Variants in CNTNAP2 observed in about 807,000 individuals in gnomAD.
CNTNAP2 encodes the protein contactin associated protein 2.
Under a neutral mutation model 155.2 loss-of-function variants are expected in CNTNAP2, and 98 were observed. The ratio of observed to expected loss-of-function variants is 0.63; its 90% CI spans 0.54 to 0.75. The LOEUF (loss-of-function observed/expected upper bound fraction) is 0.75. CNTNAP2 is among the 30% of genes least tolerant of loss of function. The pLI is 0.00. For missense variants in CNTNAP2, 1,727 were observed against 1,688.1 expected (o/e 1.02, Z -0.40); for synonymous variants, 651 against 631.2 (o/e 1.03, Z -0.47).
chr7:148,174,089 C>G (rs187053735), intron 18 of CNTNAP2, among the ~76,000 whole-genome samples: 12 of 152,298 alleles, frequency 7.9e-5, no homozygotes, highest in Non-Finnish European at 4.4e-5. Context: ...CATGTTTACA[C>G]AAAAGACATC....
intron 1 of CNTNAP2, among the ~76,000 whole-genome samples, chr7:146,765,113 A>G (rs1802171917): frequency 6.6e-6 from 1 of 152,146 alleles, no homozygotes; most frequent in South Asian, 2.1e-4. Flanking sequence ...TTTTAAGACT[A>G]AAAGTAGATG....
At chr7:148,163,976 C>T (rs189364915) in intron 17 of CNTNAP2, among the ~76,000 whole-genome samples, 298 of 152,270 alleles carry the variant, frequency 2.0e-3, no homozygotes, top group African/African-American at 6.4e-3. Flanking sequence ...GTTCTGTTGC[C>T]CAGGCTGGAG....
rs968168096 is a variant in CNTNAP2 at position 147,702,142 on chromosome 7, G to A, written c.2098+62836G>A. 2.7e-5 allele frequency among the ~76,000 whole-genome samples: 4 copies of A among 150,756 alleles called. No individual in the cohort carries two copies. The South Asian group carries it at 8.4e-4, about 32-fold the overall frequency. Reference sequence around the variant, plus strand: ...CCCCATTCTGATGTAATGAAGCTGGGGTGGTTAATTTCCAGTTAAGTTTGT... The same window carrying A: ...CCCCATTCTGATGTAATGAAGCTGGAGTGGTTAATTTCCAGTTAAGTTTGT... On this transcript the variant is annotated intron_variant, in intron 13 of 23. Coordinates refer to ENST00000361727, the MANE Select transcript of CNTNAP2 (RefSeq NM_014141.6).
chr7:146,468,652 T>A (rs1246921897), intron 1 of CNTNAP2, among the ~76,000 whole-genome samples: 3 of 152,134 alleles, frequency 2.0e-5, no homozygotes, highest in Non-Finnish European at 4.4e-5. Context: ...TTGTTTGTTT[T>A]TAAAGAATTT....
chr7:147,221,772 A>G (rs1048543331), intron 8 of CNTNAP2, among the ~76,000 whole-genome samples: 1 of 152,184 alleles, frequency 6.6e-6, no homozygotes, highest in Non-Finnish European at 1.5e-5. Context: ...AAGCAGGTCT[A>G]CTGACAAGTC....
intron 2 of CNTNAP2, among the ~76,000 whole-genome samples, chr7:146,822,100 A>T (rs1803297203): frequency 6.6e-6 from 1 of 152,228 alleles, no homozygotes; most frequent in Non-Finnish European, 1.5e-5. Flanking sequence ...AGACTGGATT[A>T]AGAAAATGTG....
rs1031524668 is a variant in CNTNAP2, at chr7:146,343,915, G to A, written c.97+226942G>A. Among the ~76,000 whole-genome samples, 6 of 151,964 alleles carry A rather than the reference G, an allele frequency of 3.9e-5. 1 individual carries two copies. In the South Asian group the frequency reaches 1.2e-3, roughly 31 times the overall value. ...ATATGATTTTTAAATAAATTGTACAGTAATTTTTCTGTTGAAATTATGAAC... is the reference window on the plus strand; with the variant it reads ...ATATGATTTTTAAATAAATTGTACAATAATTTTTCTGTTGAAATTATGAAC... On this transcript the variant is annotated intron_variant, in intron 1 of 23. Coordinates refer to ENST00000361727, the MANE Select transcript of CNTNAP2 (RefSeq NM_014141.6).
At chr7:147,186,642 T>A (rs1802573075) in intron 8 of CNTNAP2, among the ~76,000 whole-genome samples, 1 of 151,526 alleles carries the variant, frequency 6.6e-6, no homozygotes, top group African/African-American at 2.4e-5. Flanking sequence ...CACTGGAGAG[T>A]GGAAAATTTT....
intron 13 of CNTNAP2, among the ~76,000 whole-genome samples, chr7:147,902,854 GT>G (rs1799895541): frequency 6.7e-6 from 1 of 148,660 alleles, no homozygotes; most frequent in Non-Finnish European, 1.5e-5. Context: ...ATGAGAAACA[GT>G]TTATTTATCC....
At chr7:146,486,505 G>C (rs1797061482) in intron 1 of CNTNAP2, among the ~76,000 whole-genome samples, 1 of 152,192 alleles carries the variant, frequency 6.6e-6, no homozygotes, top group Non-Finnish European at 1.5e-5. Flanking sequence ...AGGTTCTAGA[G>C]TCTGGAAGAA....
At chr7:146,968,778 T>A (rs1261155705) in intron 3 of CNTNAP2, among the ~76,000 whole-genome samples, 1 of 151,530 alleles carries the variant, frequency 6.6e-6, no homozygotes, top group Non-Finnish European at 1.5e-5. Flanking sequence ...GATTCATTAA[T>A]TTTTTGAAGG....
chr7:147,733,611 A>G (rs374762546), intron 13 of CNTNAP2, among the ~76,000 whole-genome samples: 3 of 152,166 alleles, frequency 2.0e-5, no homozygotes, highest in East Asian at 3.9e-4. Flanking sequence ...ACCTTGGGCA[A>G]TATGGCCATT....
At chr7:148,314,020 C>A (rs114399655) in intron 21 of CNTNAP2, among the ~76,000 whole-genome samples, 28 of 152,012 alleles carry the variant, frequency 1.8e-4, no homozygotes, top group Admixed American at 3.9e-4. Flanking sequence ...TGTCACTGAA[C>A]GAAACTGTAA....
At chr7:146,658,520 A>T (rs1232930480) in intron 1 of CNTNAP2, among the ~76,000 whole-genome samples, 1 of 152,136 alleles carries the variant, frequency 6.6e-6, no homozygotes, top group Non-Finnish European at 1.5e-5. Context: ...TGGACATTTT[A>T]AAAAAACATT....
Position 146,344,470 on chromosome 7 carries a change from C to CT in CNTNAP2, c.97+227510dup, listed in dbSNP as rs566140535. ...TCTCCCATATATCTTATTGAACTAG[C>CT]TTTTTTTTTTTTTCTTTTTCTTTTT... On this transcript the variant is annotated intron_variant, in intron 1 of 23. Coordinates refer to ENST00000361727, the MANE Select transcript of CNTNAP2 (RefSeq NM_014141.6). Among the ~76,000 whole-genome samples, 948 of 144,604 alleles carry CT rather than the reference C, an allele frequency of 6.6e-3. 4 individuals are homozygous for CT. The highest frequency in any genetic ancestry group is 0.018 in the African/African-American group (701 of 39,748). The allele number at this position is 144,604 out of a possible 152,430, so 94.9% of individuals were successfully genotyped here.
intron 15 of CNTNAP2, among the ~76,000 whole-genome samples, chr7:148,001,283 G>C (rs1056381397): frequency 6.6e-6 from 1 of 152,212 alleles, no homozygotes; most frequent in Non-Finnish European, 1.5e-5. Context: ...CCCCACAACT[G>C]TGTCTCCTGG....
chr7:146,994,132 T>A (rs1798263390), intron 3 of CNTNAP2, among the ~76,000 whole-genome samples: 1 of 152,144 alleles, frequency 6.6e-6, no homozygotes, highest in Admixed American at 6.6e-5. Flanking sequence ...TTAAGTCCAA[T>A]CTATGTGAAA....
At chr7:147,500,885 A>T (rs1026990291) in intron 11 of CNTNAP2, among the ~76,000 whole-genome samples, 2 of 152,176 alleles carry the variant, frequency 1.3e-5, no homozygotes, top group Non-Finnish European at 2.9e-5. Flanking sequence ...AACTCATTTT[A>T]TGAGTCCAGC....
intron 3 of CNTNAP2, among the ~76,000 whole-genome samples, chr7:146,872,162 A>ATTTTTTTTTTTTTTTTTTTTTTTT (rs144291754): frequency 1.8e-5 from 2 of 111,532 alleles, no homozygotes; most frequent in Non-Finnish European, 3.6e-5. Flanking sequence ...AAATTATTGA[A>ATTTTTTTTTTTTTTTTTTTTTTTT]TTTTTTTTTT....
Sources: allele counts gnomAD v4.1 joint callset (sites outside exome capture counted in the v4.1 genomes callset), GRCh38; gene constraint gnomAD v4.1.1; transcripts MANE v1.5; gene names NCBI Gene and HGNC (gene_info 2026-07-23, HGNC 2026-07-21).